The following NXN variants were observed in gnomAD, a reference collection of about 807,000 sequenced individuals.
NXN encodes nucleoredoxin 1.
Under a neutral mutation model 48.6 loss-of-function variants are expected in NXN, and 16 were observed. The observed-to-expected ratio is 0.33, with a 90% CI of 0.22 to 0.50. The LOEUF is 0.50. NXN is among the 20% of genes least tolerant of loss of function. The pLI is 0.98. For synonymous variants in NXN, 281 were observed against 269.6 expected (o/e 1.04, Z -0.41); for missense variants, 492 against 605.5 (o/e 0.81, Z 1.97).
chr17:823,807 C>T, intron 2 of NXN, 42 bp from the exon 3 acceptor site: 1 of 1,611,140 alleles, frequency 6.2e-7, no homozygotes. Context: ...TTAGACCCTT[C>T]TTGATGACCT....
intron 1 of NXN, among the ~76,000 whole-genome samples, chr17:898,070 A>C (rs2068506342): frequency 6.6e-6 from 1 of 152,178 alleles, no homozygotes; most frequent in South Asian, 2.1e-4. Flanking sequence ...ATTTTCAAGT[A>C]ACTACCCACC....
intron 1 of NXN, among the ~76,000 whole-genome samples, chr17:836,233 C>G (rs72477055): frequency 2.6e-5 from 4 of 152,316 alleles, no homozygotes; most frequent in Admixed American, 6.5e-5. Context: ...AATCTGCCCC[C>G]GCATGCTAAG....
In NXN at chr17:851,152, G is replaced by A. The variant is rs570215478; in HGVS notation, c.361-25074C>T. Among the ~76,000 whole-genome samples, 247 of 152,348 alleles carry A rather than the reference G, an allele frequency of 1.6e-3. 1 individual carries two copies. Among genetic ancestry groups the A allele is most frequent in the African/African-American group, 5.0e-3 (208 of 41,578 alleles). The stretch of plus-strand genomic sequence containing the variant: ...GAACCGAACTGCTAAACATCAACAC[G>A]TTTCAACCTGGTCTCCAGACCACCC... On this transcript the variant is annotated intron_variant, in intron 1 of 7. Transcript: ENST00000336868.
chr17:885,243 C>A (rs1000567003), intron 1 of NXN, among the ~76,000 whole-genome samples: 2 of 152,136 alleles, frequency 1.3e-5, no homozygotes, highest in Admixed American at 6.5e-5. Context: ...ACGGGCGGAT[C>A]ACGAGGTCAG....
chr17:895,735 G>C (rs1193924034), intron 1 of NXN, among the ~76,000 whole-genome samples: 1 of 149,482 alleles, frequency 6.7e-6, no homozygotes, highest in Admixed American at 6.7e-5. Flanking sequence ...GGGGAATGGC[G>C]TGAACCTGAG....
intron 5 of NXN, among the ~76,000 whole-genome samples, chr17:808,166 T>C (rs892812841): frequency 1.3e-5 from 2 of 152,170 alleles, no homozygotes; most frequent in Non-Finnish European, 2.9e-5. Context: ...GGGGAAGTCC[T>C]GTACCTGCAG....
At chr17:930,789 T>A (rs1015285680) in intron 1 of NXN, among the ~76,000 whole-genome samples, 28 of 144,828 alleles carry the variant, frequency 1.9e-4, no homozygotes, top group East Asian at 4.2e-4. Context: ...TTTTTTTTTT[T>A]AGACAGAATC....
At chr17:883,150 T>C (rs1347929926) in intron 1 of NXN, among the ~76,000 whole-genome samples, 1 of 152,162 alleles carries the variant, frequency 6.6e-6, no homozygotes, top group Non-Finnish European at 1.5e-5. Flanking sequence ...TATTTTTAAA[T>C]GGAAAGAAAA....
At chr17:840,467 G>C (rs370528752) in intron 1 of NXN, among the ~76,000 whole-genome samples, 2 of 152,220 alleles carry the variant, frequency 1.3e-5, no homozygotes, top group African/African-American at 4.8e-5. Context: ...AGCCTCCCAG[G>C]TAGCTGGGAC....
intron 1 of NXN, among the ~76,000 whole-genome samples, chr17:933,919 G>A (rs1485056111): frequency 6.6e-6 from 1 of 152,152 alleles, no homozygotes; most frequent in Non-Finnish European, 1.5e-5. Flanking sequence ...CAAGCCTCAA[G>A]CATAAACATC....
chr17:934,376 A>G (rs1453128723), intron 1 of NXN, among the ~76,000 whole-genome samples: 12 of 150,216 alleles, frequency 8.0e-5, no homozygotes, highest in African/African-American at 2.7e-4. Flanking sequence ...AACCCGGGAG[A>G]TGGAGCTTGC....
rs2144639321 is a variant in NXN, at chr17:821,539, C to T, written c.713+818G>A. On this transcript the variant is annotated intron_variant, in intron 4 of 7. Coordinates refer to ENST00000336868, the MANE Select transcript of NXN (RefSeq NM_022463.5). ...TTGGGAGGCCAAGGCAGGAGGATCACGGGGTCAGGAGATCGAGACCATCCT... is the reference window on the plus strand; with the variant it reads ...TTGGGAGGCCAAGGCAGGAGGATCATGGGGTCAGGAGATCGAGACCATCCT... 2.6e-5 allele frequency among the ~76,000 whole-genome samples: 2 copies of T among 78,088 alleles called. 1 individual carries two copies. Among genetic ancestry groups the T allele is most frequent in the South Asian group, 7.8e-4 (2 of 2,570 alleles). 51.2% of individuals were successfully genotyped at this position (78,088 alleles called of 152,430 possible). A position where few individuals can be genotyped will look rare whatever the true frequency, so the allele number is the denominator to read the frequency against.
chr17:931,737 A>C (rs2068856141), intron 1 of NXN, among the ~76,000 whole-genome samples: 2 of 149,788 alleles, frequency 1.3e-5, no homozygotes, highest in African/African-American at 4.9e-5. Context: ...CGGGAGGCTG[A>C]GGCAGGAGAA....
chr17:889,270 C>T (rs1383661542), intron 1 of NXN, among the ~76,000 whole-genome samples: 2 of 152,354 alleles, frequency 1.3e-5, no homozygotes, highest in East Asian at 1.9e-4. Context: ...AAGCCCAGCA[C>T]CTGCACGTGC....
At chr17:808,304 C>CATT (rs1178705454) in intron 5 of NXN, among the ~76,000 whole-genome samples, 2 of 119,010 alleles carry the variant, frequency 1.7e-5, no homozygotes, top group African/African-American at 6.0e-5. Flanking sequence ...CTGAAATACA[C>CATT]ATTTTTTTTT....
chr17:853,585 CT>C (rs1182056740), intron 1 of NXN, among the ~76,000 whole-genome samples: 1 of 151,752 alleles, frequency 6.6e-6, no homozygotes, highest in Non-Finnish European at 1.5e-5. Flanking sequence ...AACATCAGCT[CT>C]TCGGGGGAGC....
chr17:803,950 G>A lies in NXN; in HGVS notation c.1001-144C>T. The A allele has an allele frequency of 2.9e-6, 3 of 1,038,154 alleles. No homozygotes were observed. In the East Asian group the frequency reaches 7.4e-5, roughly 26 times the overall value. The allele number at this position is 1,038,154 out of a possible 1,614,324, so 64.3% of individuals were successfully genotyped here. A position where few individuals can be genotyped will look rare whatever the true frequency, so the allele number is the denominator to read the frequency against. ...GGAAATGAACTTCCCCTTGGATGCA[G>A]GTCTTGCTCCCCGCATGCATGGGTG... On this transcript the variant is annotated intron_variant, in intron 6 of 7. Coordinates refer to ENST00000336868, the MANE Select transcript of NXN (RefSeq NM_022463.5).
At chr17:835,164 C>T (rs896178599) in intron 1 of NXN, among the ~76,000 whole-genome samples, 14 of 151,226 alleles carry the variant, frequency 9.3e-5, no homozygotes, top group Admixed American at 3.3e-4. Flanking sequence ...AAAAATTAGC[C>T]GGGTGTGGTG....
At chr17:880,044 T>C (rs921007404) in intron 1 of NXN, 3 of 152,166 alleles carry the variant, frequency 2.0e-5, no homozygotes, top group African/African-American at 7.2e-5. Context: ...AATCTTCTGA[T>C]GTATCAAGTT....
Sources: gnomAD v4.1 joint callset for allele counts (sites outside exome capture counted in the v4.1 genomes callset) on GRCh38, gnomAD v4.1.1 for gene constraint, MANE v1.5 for transcripts, NCBI Gene and HGNC (gene_info 2026-07-23, HGNC 2026-07-21) for gene names.